KHDRBS2: variants seen among roughly 807,000 people sequenced by gnomAD.
KHDRBS2 encodes KH RNA binding domain containing, signal transduction associated 2.
KHDRBS2 carries 26 observed loss-of-function variants against 44.3 expected under a neutral mutation model. The observed-to-expected ratio is 0.59, with a 90% CI of 0.43 to 0.81. KHDRBS2 has a LOEUF of 0.81. Ranked by LOEUF, KHDRBS2 falls within the 40% of genes least tolerant of loss-of-function variation. The pLI, the probability that KHDRBS2 is intolerant of heterozygous loss-of-function variation, is 0.00. For synonymous variants in KHDRBS2, 194 were observed against 151.1 expected (o/e 1.28, Z -2.08); for missense variants, 476 against 433.1 (o/e 1.10, Z -0.88).
At chr6:61,576,078 C>A in the KHDRBS2 span, among the ~76,000 whole-genome samples, 1 of 137,482 alleles carries the variant, frequency 7.3e-6, no homozygotes, top group Non-Finnish European at 1.6e-5. Context: ...AACCAGAAAC[C>A]ACTTGTTCCC....
At chr6:62,210,012 G>C (rs1402312547) in intron 1 of KHDRBS2, among the ~76,000 whole-genome samples, 1 of 152,052 alleles carries the variant, frequency 6.6e-6, no homozygotes, top group Non-Finnish European at 1.5e-5. Context: ...TTCATCTTGT[G>C]ATTCTGTGAG....
chr6:61,978,242 A>C, intron 3 of KHDRBS2, 30 bp from the exon 4 acceptor site: 1 of 1,564,946 alleles, frequency 6.4e-7, no homozygotes, highest in Non-Finnish European at 8.7e-7. Flanking sequence ...TAGAAATACA[A>C]ATCCACTCAT....
the KHDRBS2 span, among the ~76,000 whole-genome samples, chr6:61,563,204 G>T: frequency 6.6e-6 from 1 of 152,076 alleles, no homozygotes; most frequent in African/African-American, 2.4e-5. Flanking sequence ...GTCCGAAATT[G>T]CTCAAAATCA....
At chr6:61,757,220 G>A (rs545720311) in intron 6 of KHDRBS2, among the ~76,000 whole-genome samples, 1 of 152,170 alleles carries the variant, frequency 6.6e-6, no homozygotes, top group South Asian at 2.1e-4. Flanking sequence ...TATCTTTGCT[G>A]ATTTTCTGTA....
rs1304798354 is a variant in KHDRBS2, at chr6:62,285,965, T to G, written c.-17A>C. ...CTCTTCCATAGCGCGGACTTCGGAT[T>G]GTCCCCGGGCGAAGCGCGAGGTTCC... On this transcript the variant is annotated 5_prime_UTR_variant, in exon 1 of 9. Transcript: ENST00000281156. 72 of 1,552,290 alleles carry G rather than the reference T, an allele frequency of 4.6e-5. No individual in the cohort carries two copies. Among genetic ancestry groups the G allele is most frequent in the Non-Finnish European group, 6.1e-5 (69 of 1,126,422 alleles).
intron 7 of KHDRBS2, among the ~76,000 whole-genome samples, chr6:61,713,581 CT>C (rs77315449): frequency 0.011 from 1,605 of 144,208 alleles, 41 homozygotes; most frequent in East Asian, 0.092. Flanking sequence ...ATACCTTTAG[CT>C]TTTTTTTTTT....
chr6:62,239,998 T>C (rs1563117790), intron 1 of KHDRBS2, among the ~76,000 whole-genome samples: 1 of 152,230 alleles, frequency 6.6e-6, no homozygotes, highest in East Asian at 1.9e-4. Context: ...AACTTTTTTT[T>C]TAAATACAAA....
At chr6:61,979,043 T>C (rs886972680) in intron 3 of KHDRBS2, among the ~76,000 whole-genome samples, 3 of 152,138 alleles carry the variant, frequency 2.0e-5, no homozygotes, top group African/African-American at 7.2e-5. Flanking sequence ...GTTAATTCAG[T>C]GCAGGTGTAC....
intron 2 of KHDRBS2, among the ~76,000 whole-genome samples, chr6:62,119,291 T>C (rs1253973931): frequency 6.6e-6 from 1 of 152,184 alleles, no homozygotes; most frequent in African/African-American, 2.4e-5. Flanking sequence ...CTATACATAA[T>C]ACCTTCAACC....
intron 4 of KHDRBS2, among the ~76,000 whole-genome samples, chr6:61,922,169 C>T (rs1808192821): frequency 6.6e-6 from 1 of 151,860 alleles, no homozygotes; most frequent in Non-Finnish European, 1.5e-5. Flanking sequence ...GTAACTTGGA[C>T]CACATTTATC....
At chr6:62,010,772 TA>T (rs879467712) in intron 3 of KHDRBS2, among the ~76,000 whole-genome samples, 1 of 152,122 alleles carries the variant, frequency 6.6e-6, no homozygotes, top group Admixed American at 6.5e-5. Context: ...TGTAATAGTT[TA>T]AAAAAACCTC....
At chr6:62,177,421 T>A (rs1490190485) in intron 1 of KHDRBS2, 109 bp from the exon 2 acceptor site, 1 of 855,356 alleles carries the variant, frequency 1.2e-6, no homozygotes, top group African/African-American at 1.7e-5. Context: ...TCTTCTCAAA[T>A]AAGATTTTGA....
chr6:62,150,298 T>C (rs1235727244), intron 2 of KHDRBS2, among the ~76,000 whole-genome samples: 1 of 112,102 alleles, frequency 8.9e-6, no homozygotes, highest in Non-Finnish European at 2.0e-5. Flanking sequence ...CTTAAGAGAT[T>C]GTGGAAAAAA....
At chr6:61,829,643 T>C (rs1049881350) in intron 6 of KHDRBS2, among the ~76,000 whole-genome samples, 2 of 152,160 alleles carry the variant, frequency 1.3e-5, no homozygotes, top group African/African-American at 2.4e-5. Flanking sequence ...ACACAGATAT[T>C]TATATAGTCA....
the KHDRBS2 span, among the ~76,000 whole-genome samples, chr6:61,601,227 C>G: frequency 1.3e-5 from 2 of 152,030 alleles, no homozygotes; most frequent in Non-Finnish European, 2.9e-5. Context: ...CATCCCCCAA[C>G]CCTTTTCCAC....
At position 62,084,189 on chromosome 6, in the gene KHDRBS2, T is replaced by G. The variant is rs534034619; in HGVS notation, c.220-36195A>C. ...TTGGTATCTTTGTATAATATTGGACTGAAGGAGGGGGGATGAATTTTGTAA... is the reference window on the plus strand; with the variant it reads ...TTGGTATCTTTGTATAATATTGGACGGAAGGAGGGGGGATGAATTTTGTAA... On this transcript the variant is annotated intron_variant, in intron 2 of 8. Coordinates refer to ENST00000281156, the MANE Select transcript of KHDRBS2 (RefSeq NM_152688.4). Among the ~76,000 whole-genome samples, 23 of 152,242 alleles carry G rather than the reference T, an allele frequency of 1.5e-4. No homozygotes were observed. In the East Asian group the frequency reaches 4.1e-3, roughly 27 times the overall value.
chr6:61,711,464 T>C (rs573419766), intron 7 of KHDRBS2, among the ~76,000 whole-genome samples: 9 of 151,688 alleles, frequency 5.9e-5, no homozygotes, highest in African/African-American at 1.9e-4. Context: ...ATTTCTAGGT[T>C]TAGGTTAAAA....
chr6:61,928,606 T>G (rs1159519395), intron 4 of KHDRBS2, among the ~76,000 whole-genome samples: 1 of 152,098 alleles, frequency 6.6e-6, no homozygotes, highest in Non-Finnish European at 1.5e-5. Flanking sequence ...CTGCATATTT[T>G]AAGATGATAT....
At chr6:62,013,567 T>C (rs932413324) in intron 3 of KHDRBS2, among the ~76,000 whole-genome samples, 1 of 152,054 alleles carries the variant, frequency 6.6e-6, no homozygotes, top group African/African-American at 2.4e-5. Context: ...CATAGCAAAA[T>C]CAATTTTATT....
Sources: gnomAD v4.1 joint callset for allele counts (sites outside exome capture counted in the v4.1 genomes callset) on GRCh38, gnomAD v4.1.1 for gene constraint, MANE v1.5 for transcripts, NCBI Gene and HGNC (gene_info 2026-07-23, HGNC 2026-07-21) for gene names.